The following TMEM38B variants were observed in gnomAD, a reference collection of about 807,000 sequenced individuals.
TMEM38B encodes transmembrane protein 38B.
A neutral mutation model predicts 28.7 loss-of-function variants in TMEM38B; 24 were observed. The ratio of observed to expected loss-of-function variants is 0.84; its 90% CI spans 0.61 to 1.18. The LOEUF is 1.18. Ranked by LOEUF, TMEM38B falls within the 50% of genes most tolerant of loss-of-function variation. The pLI is 0.00. For synonymous variants in TMEM38B, 131 were observed against 127.7 expected (o/e 1.03, Z -0.17); for missense variants, 380 against 350.9 (o/e 1.08, Z -0.66).
At chr9:105,741,741 A>AG (rs2133607665) in intron 4 of TMEM38B, among the ~76,000 whole-genome samples, 1 of 152,340 alleles carries the variant, frequency 6.6e-6, no homozygotes, top group South Asian at 2.1e-4. Flanking sequence ...AAGAGGAAAG[A>AG]GTTAAATTGA....
intron 2 of TMEM38B, among the ~76,000 whole-genome samples, chr9:105,717,428 CTATT>C (rs939052259): frequency 2.2e-4 from 34 of 152,070 alleles, no homozygotes; most frequent in Admixed American, 2.0e-3. Flanking sequence ...TTTTAAAACA[CTATT>C]TATAATAGGG....
chr9:105,715,899 T>G (rs1836082102), intron 2 of TMEM38B, among the ~76,000 whole-genome samples: 1 of 152,212 alleles, frequency 6.6e-6, no homozygotes, highest in Non-Finnish European at 1.5e-5. Flanking sequence ...AGGGATTTAT[T>G]CTGCTTATTT....
intron 2 of TMEM38B, among the ~76,000 whole-genome samples, chr9:105,719,453 A>G (rs1480964469): frequency 6.6e-6 from 1 of 152,192 alleles, no homozygotes; most frequent in Admixed American, 6.5e-5. Flanking sequence ...GGATTTATTA[A>G]AAGAATTTTA....
At chr9:105,762,133 A>G (rs1225979157) in intron 5 of TMEM38B, among the ~76,000 whole-genome samples, 1 of 152,050 alleles carries the variant, frequency 6.6e-6, no homozygotes, top group African/African-American at 2.4e-5. Context: ...TTCTCAATAT[A>G]ATTTCATAAT....
intron 2 of TMEM38B, among the ~76,000 whole-genome samples, chr9:105,716,839 T>C (rs1836116526): frequency 6.6e-6 from 1 of 152,168 alleles, no homozygotes. Flanking sequence ...ATTATAAGAA[T>C]ACATCAGGGA....
intron 4 of TMEM38B, among the ~76,000 whole-genome samples, chr9:105,738,742 A>G (rs755913987): frequency 6.5e-4 from 64 of 98,464 alleles, no homozygotes; most frequent in Non-Finnish European, 4.9e-4. Context: ...TTTTTGAGAC[A>G]AGGTCTCACT....
At chr9:105,714,227 A>G (rs1319325415) in intron 2 of TMEM38B, among the ~76,000 whole-genome samples, 9 of 152,198 alleles carry the variant, frequency 5.9e-5, no homozygotes, top group African/African-American at 2.2e-4. Flanking sequence ...TGACAGCTGC[A>G]CACTCAACAG....
At chr9:105,701,843 C>G (rs1213841619) in intron 1 of TMEM38B, among the ~76,000 whole-genome samples, 1 of 152,182 alleles carries the variant, frequency 6.6e-6, no homozygotes, top group Non-Finnish European at 1.5e-5. Context: ...CCAAGTATGT[C>G]TGTTCTAATT....
intron 4 of TMEM38B, among the ~76,000 whole-genome samples, chr9:105,747,148 A>G (rs1231626535): frequency 2.0e-5 from 3 of 152,322 alleles, no homozygotes; most frequent in African/African-American, 7.2e-5. Context: ...TTCAGAAGGA[A>G]TGGTACCAGC....
At chr9:105,771,851 C>G (rs1334727496) in intron 5 of TMEM38B, among the ~76,000 whole-genome samples, 2 of 152,148 alleles carry the variant, frequency 1.3e-5, no homozygotes, top group Non-Finnish European at 2.9e-5. Flanking sequence ...TGGGAAATCT[C>G]TATTACTGCC....
Position 105,772,284 on chromosome 9 carries a change from G to A in TMEM38B, c.661-1581G>A, listed in dbSNP as rs10978238. Among the ~76,000 whole-genome samples the A allele has an allele frequency of 6.8e-4, 104 of 152,242 alleles. 1 individual carries two copies. In the East Asian group the frequency reaches 0.018, roughly 27 times the overall value. On this transcript the variant is annotated intron_variant, in intron 5 of 5. Transcript: ENST00000374692. ...ATTCCCCCAGGGCAAATTGCACGAG[G>A]ATTTTAGGGCTCACTTCCATGCGAC...
At chr9:105,746,881 T>C (rs1458019544) in intron 4 of TMEM38B, among the ~76,000 whole-genome samples, 8 of 152,236 alleles carry the variant, frequency 5.3e-5, no homozygotes, top group Admixed American at 5.2e-4. Flanking sequence ...ATTATGCTTA[T>C]TGATTTGCGT....
intron 2 of TMEM38B, among the ~76,000 whole-genome samples, chr9:105,715,385 A>G (rs1836059009): frequency 6.6e-6 from 1 of 152,062 alleles, no homozygotes; most frequent in African/African-American, 2.4e-5. Flanking sequence ...TAAATAAAAT[A>G]TCTTGGTGTT....
At chr9:105,752,002 T>C (rs1242576796) in intron 5 of TMEM38B, among the ~76,000 whole-genome samples, 3 of 151,920 alleles carry the variant, frequency 2.0e-5, no homozygotes, top group African/African-American at 7.2e-5. Context: ...GTCTGCTGGC[T>C]TTGGAGAATA....
chr9:105,761,237 T>C (rs1171892612), intron 5 of TMEM38B, among the ~76,000 whole-genome samples: 1 of 152,184 alleles, frequency 6.6e-6, no homozygotes, highest in Non-Finnish European at 1.5e-5. Context: ...TGTTGCACTC[T>C]TTTGTATATT....
intron 2 of TMEM38B, among the ~76,000 whole-genome samples, chr9:105,721,184 C>T (rs937245810): frequency 3.9e-5 from 6 of 152,032 alleles, no homozygotes; most frequent in African/African-American, 1.4e-4. Context: ...GAGTTCCTAC[C>T]CCTGGAAATG....
intron 5 of TMEM38B, among the ~76,000 whole-genome samples, chr9:105,772,320 T>C (rs1826574278): frequency 6.6e-6 from 1 of 152,164 alleles, no homozygotes; most frequent in Non-Finnish European, 1.5e-5. Flanking sequence ...ATCCTCCTCT[T>C]TGGGCTGTAT....
chr9:105,722,686 T>G, intron 4 of TMEM38B, 65 bp downstream of exon 4: 1 of 1,364,862 alleles, frequency 7.3e-7, no homozygotes, highest in Non-Finnish European at 1.0e-6. Context: ...AATTCCTTTT[T>G]AAGAACATTT....
chr9:105,774,077 A>G lies in TMEM38B; in HGVS notation c.873A>G (p.Glu291=), dbSNP rs751349633. The change falls in exon 6 of 6, where the codon GAA becomes GAG. Residue 291 remains glutamate, a synonymous_variant. Transcript: ENST00000374692. ...AAAAGAAACATACTAAGAAGAATGA[A>G]TAAATTTACGTGATGAGCTCTACAA... The part of the protein sequence containing the change: ...NVKKKHTKKN[E] 43 of 1,613,082 alleles carry G rather than the reference A, an allele frequency of 2.7e-5. No homozygotes were observed. Among genetic ancestry groups the G allele is most frequent in the Non-Finnish European group, 3.6e-5 (42 of 1,179,502 alleles).
Sources: gnomAD v4.1 joint callset for allele counts (sites outside exome capture counted in the v4.1 genomes callset) on GRCh38, gnomAD v4.1.1 for gene constraint, MANE v1.5 for transcripts, NCBI Gene and HGNC (gene_info 2026-07-23, HGNC 2026-07-21) for gene names.